Variants in TBXAS1 observed in about 807,000 individuals in gnomAD.
TBXAS1 encodes thromboxane A synthase 1.
Under a neutral mutation model 60.7 loss-of-function variants are expected in TBXAS1, and 48 were observed. That is an observed-to-expected ratio of 0.79 (90% CI 0.63 to 1.01). TBXAS1 has a LOEUF of 1.01. TBXAS1 is among the 50% of genes least tolerant of loss of function. The pLI is 0.00. For missense variants in TBXAS1, 685 were observed against 686.3 expected (o/e 1.00, Z 0.02); for synonymous variants, 287 against 269.7 (o/e 1.06, Z -0.63).
At chr7:139,829,257 G>C (rs1392475545), upstream of TBXAS1, 2 of 769,468 alleles carry the variant, frequency 2.6e-6, no homozygotes, top group Non-Finnish European at 4.5e-6. Flanking sequence ...GCACATTGTG[G>C]GGGCCCACTC....
rs953515547 is a variant in TBXAS1 at position 139,778,616 on chromosome 7, T to C, written c.-318+145T>C. On this transcript the variant is annotated intron_variant, in intron 1 of 16. Coordinates refer to the TBXAS1 transcript ENST00000336425. This position sits in a 1 kb window ranked among gnomAD's most constrained non-coding sequence, Gnocchi z 4.8. ...CGCCGCGGAAATGCAGCCCCCGGGG[T>C]GGTCGCTGGGTTCCTGCCGGAGTCT... 21 of 152,168 alleles carry C rather than the reference T, an allele frequency of 1.4e-4. No homozygotes were observed. Among genetic ancestry groups the C allele is most frequent in the African/African-American group, 4.6e-4 (19 of 41,294 alleles). The allele number at this position is 152,168 out of a possible 1,614,324, so 9.4% of individuals were successfully genotyped here. A position where few individuals can be genotyped will look rare whatever the true frequency, so the allele number is the denominator to read the frequency against.
chr7:139,839,305 TG>T (rs1762491924), intron 1 of TBXAS1, among the ~76,000 whole-genome samples: 1 of 152,060 alleles, frequency 6.6e-6, no homozygotes, highest in Non-Finnish European at 1.5e-5. Flanking sequence ...CTTCTAGTGG[TG>T]AAGGGGAAAG....
chr7:139,787,456 C>A (rs1268381747), intron 4 of TBXAS1: 1 of 152,198 alleles, frequency 6.6e-6, no homozygotes, highest in Admixed American at 6.5e-5. Flanking sequence ...CCTTTAATTT[C>A]TTTGGGCTCT....
At chr7:139,806,515 G>T (rs1241822529) in intron 4 of TBXAS1, among the ~76,000 whole-genome samples, 1 of 146,428 alleles carries the variant, frequency 6.8e-6, no homozygotes, top group East Asian at 2.1e-4. Flanking sequence ...CAGCCGTCTT[G>T]GCCTCCCAAA....
intron 12 of TBXAS1, among the ~76,000 whole-genome samples, chr7:140,018,993 A>G (rs1263386231): frequency 6.6e-6 from 1 of 152,098 alleles, no homozygotes; most frequent in Non-Finnish European, 1.5e-5. Context: ...TATCCTGACC[A>G]CTGCTGTCCC....
At chr7:139,821,673 C>G (rs1057365108) in intron 4 of TBXAS1, among the ~76,000 whole-genome samples, 1 of 152,226 alleles carries the variant, frequency 6.6e-6, no homozygotes, top group African/African-American at 2.4e-5. Flanking sequence ...CCCGTGGGAC[C>G]CACAATGAGT....
At chr7:139,940,002 T>A (rs1171869149) in intron 5 of TBXAS1, among the ~76,000 whole-genome samples, 1 of 152,262 alleles carries the variant, frequency 6.6e-6, no homozygotes, top group African/African-American at 2.4e-5. Flanking sequence ...ACCCGCGGAA[T>A]CAATGGCACC....
intron 9 of TBXAS1, among the ~76,000 whole-genome samples, chr7:140,006,337 CCAGGGAGTGACAGACTGT>C (rs1484036555): frequency 1.5e-4 from 23 of 152,202 alleles, no homozygotes; most frequent in African/African-American, 5.3e-4. Flanking sequence ...AGATGGGGAG[CCAGGGAGTGACAGACTGT>C]CACTCCAGGA....
chr7:139,825,049 G>A (rs1157458333), upstream of TBXAS1, among the ~76,000 whole-genome samples: 1 of 151,852 alleles, frequency 6.6e-6, no homozygotes, highest in Non-Finnish European at 1.5e-5. Flanking sequence ...AGCTGGTCTT[G>A]AACTCCTAAC....
At chr7:139,911,673 T>C (rs1045223289) in intron 4 of TBXAS1, among the ~76,000 whole-genome samples, 1 of 152,076 alleles carries the variant, frequency 6.6e-6, no homozygotes, top group African/African-American at 2.4e-5. Context: ...TAATAAATAT[T>C]AGTTGGAAAG....
intron 9 of TBXAS1, among the ~76,000 whole-genome samples, chr7:140,002,291 C>T (rs573476709): frequency 1.3e-5 from 2 of 152,278 alleles, no homozygotes; most frequent in Non-Finnish European, 2.9e-5. Flanking sequence ...CCAAGGTGCC[C>T]GCTGAGGAAC....
chr7:139,906,598 T>C (rs938233948), intron 3 of TBXAS1, among the ~76,000 whole-genome samples: 1 of 152,224 alleles, frequency 6.6e-6, no homozygotes, highest in Non-Finnish European at 1.5e-5. Context: ...GATTTAGTTA[T>C]TTTAAGTTCT....
chr7:139,892,776 C>T (rs879624306), intron 3 of TBXAS1, among the ~76,000 whole-genome samples: 2 of 152,162 alleles, frequency 1.3e-5, no homozygotes, highest in Non-Finnish European at 2.9e-5. Context: ...TTGTAGCCAG[C>T]CTGCATCTTG....
At chr7:139,789,067 C>A (rs73475958) in intron 4 of TBXAS1, among the ~76,000 whole-genome samples, 3,316 of 152,262 alleles carry the variant, frequency 0.022, 118 homozygotes, top group African/African-American at 0.076. Flanking sequence ...TGACACCCAC[C>A]AGTCTGGTAA....
intron 1 of TBXAS1, among the ~76,000 whole-genome samples, chr7:139,835,466 G>C (rs1251441921): frequency 6.6e-6 from 1 of 152,154 alleles, no homozygotes; most frequent in East Asian, 1.9e-4. Context: ...CAGAGATGAA[G>C]GGATGGTTTA....
At chr7:140,015,623 C>T in intron 10 of TBXAS1, 100 bp from the exon 11 acceptor site, 1 of 1,376,200 alleles carries the variant, frequency 7.3e-7, no homozygotes, top group African/African-American at 1.4e-5. Context: ...GCTGCCTGCC[C>T]CTGATCCCCT....
intron 1 of TBXAS1, among the ~76,000 whole-genome samples, chr7:139,859,874 G>C (rs7809583): frequency 0.46 from 69,369 of 151,956 alleles, 16,128 homozygotes; most frequent in South Asian, 0.59. Flanking sequence ...CATGGTGGCT[G>C]ACACCTGTAA....
chr7:139,892,454 A>T (rs1803697515), intron 3 of TBXAS1, among the ~76,000 whole-genome samples: 1 of 152,040 alleles, frequency 6.6e-6, no homozygotes, highest in African/African-American at 2.4e-5. Context: ...TTAGCCTAGT[A>T]TGGTGCCGCG....
chr7:139,979,756 A>ATAATAG (rs1811833098), intron 9 of TBXAS1, among the ~76,000 whole-genome samples: 1 of 145,034 alleles, frequency 6.9e-6, no homozygotes, highest in African/African-American at 2.5e-5. Context: ...AATAATAATA[A>ATAATAG]TAATAATAAT....
Sources: allele counts gnomAD v4.1 joint callset (sites outside exome capture counted in the v4.1 genomes callset), GRCh38; gene constraint gnomAD v4.1.1; non-coding constraint Gnocchi (gnomAD v3.1); transcripts MANE v1.5; gene names NCBI Gene and HGNC (gene_info 2026-07-23, HGNC 2026-07-21).